The following PALM2AKAP2 variants were observed in gnomAD, a reference collection of about 807,000 sequenced individuals.
The protein encoded by PALM2AKAP2 is PALM2 and AKAP2 fusion.
A neutral mutation model predicts 71.5 loss-of-function variants in PALM2AKAP2; 37 were observed. That is an observed-to-expected ratio of 0.52 (90% CI 0.40 to 0.68). The LOEUF (loss-of-function observed/expected upper bound fraction) is 0.68. Among genes scored for constraint, PALM2AKAP2 ranks in the 30% least tolerant of loss-of-function variants. PALM2AKAP2 has a pLI of 0.00. For missense variants in PALM2AKAP2, 1,224 were observed against 1,191.8 expected (o/e 1.03, Z -0.40); for synonymous variants, 468 against 478.8 (o/e 0.98, Z 0.29).
At chr9:109,811,867 C>A (rs907293987) in intron 1 of PALM2AKAP2, among the ~76,000 whole-genome samples, 1 of 152,216 alleles carries the variant, frequency 6.6e-6, no homozygotes, top group African/African-American at 2.4e-5. Context: ...GCCACTGTAC[C>A]CAGGTATATT....
At chr9:110,080,076 A>G (rs1484735832) in intron 1 of PALM2AKAP2, among the ~76,000 whole-genome samples, 1 of 149,848 alleles carries the variant, frequency 6.7e-6, no homozygotes, top group Non-Finnish European at 1.5e-5. Context: ...TCTCAAAAAA[A>G]AAAAAAAAAA....
chr9:109,706,440 C>G (rs1828146000), intron 1 of PALM2AKAP2, among the ~76,000 whole-genome samples: 2 of 152,100 alleles, frequency 1.3e-5, no homozygotes. Context: ...AACCCAAATA[C>G]TCATACATTA....
intron 1 of PALM2AKAP2, among the ~76,000 whole-genome samples, chr9:110,119,262 G>A (rs769223179): frequency 3.4e-5 from 5 of 147,986 alleles, no homozygotes; most frequent in Non-Finnish European, 7.4e-5. Context: ...AGATTTGCTT[G>A]AACCCGGGAG....
At chr9:109,906,184 T>C (rs759891712) in intron 3 of PALM2AKAP2, among the ~76,000 whole-genome samples, 1 of 152,102 alleles carries the variant, frequency 6.6e-6, no homozygotes, top group African/African-American at 2.4e-5. Flanking sequence ...AATCTACTTC[T>C]GGTCATAGTT....
At chr9:109,683,190 T>C (rs1032979633) in intron 1 of PALM2AKAP2, among the ~76,000 whole-genome samples, 3 of 152,208 alleles carry the variant, frequency 2.0e-5, no homozygotes, top group Admixed American at 6.5e-5. Context: ...CAGATGCCAC[T>C]ATGCTTTCTG....
intron 6 of PALM2AKAP2, among the ~76,000 whole-genome samples, chr9:109,970,650 T>TA (rs1189990140): frequency 1.2e-4 from 19 of 152,358 alleles, no homozygotes; most frequent in African/African-American, 4.1e-4. Context: ...CACTGCCACT[T>TA]ACTGCCTTGA....
intron 1 of PALM2AKAP2, among the ~76,000 whole-genome samples, chr9:109,695,853 G>A (rs1006384449): frequency 6.6e-6 from 1 of 152,158 alleles, no homozygotes; most frequent in Non-Finnish European, 1.5e-5. Flanking sequence ...GAGTAGAACA[G>A]TGGTTACCAG....
intron 1 of PALM2AKAP2, among the ~76,000 whole-genome samples, chr9:109,709,022 C>T (rs1324762634): frequency 1.3e-5 from 2 of 152,136 alleles, no homozygotes; most frequent in Non-Finnish European, 1.5e-5. Flanking sequence ...AGGGATGGGG[C>T]CAGCTATAGT....
At chr9:109,987,969 G>T (rs1218856566) in intron 6 of PALM2AKAP2, among the ~76,000 whole-genome samples, 10 of 152,186 alleles carry the variant, frequency 6.6e-5, no homozygotes, top group Admixed American at 6.5e-4. Flanking sequence ...TCTTTGGCCA[G>T]TCCCTTTCCT....
chr9:110,062,072 T>G (rs1476796262), intron 1 of PALM2AKAP2, among the ~76,000 whole-genome samples: 1 of 152,068 alleles, frequency 6.6e-6, no homozygotes, highest in Middle Eastern at 3.2e-3. Context: ...AAACAAAGGC[T>G]TACAAAAAAA....
At chr9:109,937,787 C>T (rs1831262803) in intron 6 of PALM2AKAP2, among the ~76,000 whole-genome samples, 1 of 152,094 alleles carries the variant, frequency 6.6e-6, no homozygotes, top group Non-Finnish European at 1.5e-5. Flanking sequence ...CAGAGCTTTC[C>T]TTCAAATACT....
At chr9:110,037,422 T>C (rs1833432125) in intron 7 of PALM2AKAP2, among the ~76,000 whole-genome samples, 1 of 152,194 alleles carries the variant, frequency 6.6e-6, no homozygotes, top group African/African-American at 2.4e-5. Flanking sequence ...GTTAGGCTGG[T>C]CTCGAACTCC....
At chr9:109,814,413 G>A (rs1280260008) in intron 1 of PALM2AKAP2, among the ~76,000 whole-genome samples, 1 of 152,204 alleles carries the variant, frequency 6.6e-6, no homozygotes, top group Non-Finnish European at 1.5e-5. Context: ...ATTGTGGCAG[G>A]ATTCTAAGAA....
At chr9:110,007,109 C>T (rs1209161565) in intron 6 of PALM2AKAP2, among the ~76,000 whole-genome samples, 6 of 152,136 alleles carry the variant, frequency 3.9e-5, no homozygotes, top group African/African-American at 1.2e-4. Flanking sequence ...CCTCCCTTTT[C>T]CTGTCTCTGA....
chr9:109,690,673 AC>A (rs1438065941), intron 1 of PALM2AKAP2, among the ~76,000 whole-genome samples: 1 of 152,136 alleles, frequency 6.6e-6, no homozygotes, highest in Non-Finnish European at 1.5e-5. Context: ...GTACATGGAG[AC>A]CTGGGATTAA....
intron 1 of PALM2AKAP2, among the ~76,000 whole-genome samples, chr9:109,814,007 G>A (rs890445446): frequency 3.9e-5 from 6 of 152,170 alleles, no homozygotes; most frequent in African/African-American, 1.4e-4. Flanking sequence ...TGGACTCCTG[G>A]CCCTGCAGTT....
At chr9:109,927,220 C>T (rs146130735) in intron 5 of PALM2AKAP2, among the ~76,000 whole-genome samples, 417 of 152,208 alleles carry the variant, frequency 2.7e-3, no homozygotes, top group African/African-American at 8.1e-3. Flanking sequence ...AGTTTGAAGG[C>T]GGGAACACAT....
chr9:109,964,383 G>A (rs1831906179), intron 6 of PALM2AKAP2, among the ~76,000 whole-genome samples: 1 of 152,266 alleles, frequency 6.6e-6, no homozygotes, highest in South Asian at 2.1e-4. Context: ...GCAGGCAGAG[G>A]CAGAGGCAGG....
chr9:110,161,113 C>T lies in PALM2AKAP2; in HGVS notation c.2748+4616C>T, dbSNP rs1836583721. On this transcript the variant is annotated intron_variant, in intron 3 of 3. Transcript: ENST00000374525. ...CTTCCCTAACTCTCTCTTACGTTCT[C>T]ACTCGTACCCTAGTGAAGATGCAAA... Among the ~76,000 whole-genome samples the T allele has an allele frequency of 2.0e-5, 3 of 152,218 alleles. No homozygotes were observed. In the South Asian group the frequency reaches 6.2e-4, roughly 31 times the overall value.
Sources: gnomAD v4.1 joint callset for allele counts (sites outside exome capture counted in the v4.1 genomes callset) on GRCh38, gnomAD v4.1.1 for gene constraint, MANE v1.5 for transcripts, NCBI Gene and HGNC (gene_info 2026-07-23, HGNC 2026-07-21) for gene names.